Variants in MARCO observed in about 807,000 individuals in gnomAD.
MARCO encodes the protein macrophage receptor MARCO.
Under a neutral mutation model 70.0 loss-of-function variants are expected in MARCO, and 72 were observed. The observed-to-expected ratio is 1.03, with a 90% confidence interval of 0.85 to 1.25. The LOEUF is 1.25. Among genes scored for constraint, MARCO ranks in the 50% most tolerant of loss-of-function variants. MARCO has a pLI of 0.00. For missense variants in MARCO, 696 were observed against 659.3 expected, an observed-to-expected ratio of 1.06 and a Z score of -0.61; for synonymous variants, 273 against 243.1, an observed-to-expected ratio of 1.12 and a Z score of -1.14.
At chr2:118,977,310 G>A (rs570928907) in intron 6 of MARCO, among the ~76,000 whole-genome samples, 161 bp from the exon 7 acceptor site, 10 of 148,252 alleles carry the variant, frequency 6.7e-5, no homozygotes, top group Admixed American at 5.4e-4. Context: ...GTGTGCATGT[G>A]TGTGAAAAAG....
At chr2:118,952,041 C>G (rs1462683665) in intron 1 of MARCO, among the ~76,000 whole-genome samples, 1 of 152,174 alleles carries the variant, frequency 6.6e-6, no homozygotes, top group Non-Finnish European at 1.5e-5. Context: ...TTCTCCTTCC[C>G]CTTCCCCTAG....
chr2:118,975,836 A>T (rs547386937), intron 6 of MARCO, among the ~76,000 whole-genome samples: 65 of 152,310 alleles, frequency 4.3e-4, no homozygotes, highest in African/African-American at 1.5e-3. Context: ...ACATATTTGC[A>T]TTCTTACACT....
At chr2:118,973,540 C>T (rs1680215865) in intron 4 of MARCO, among the ~76,000 whole-genome samples, 1 of 152,218 alleles carries the variant, frequency 6.6e-6, no homozygotes, top group African/African-American at 2.4e-5. Flanking sequence ...CACCCTTTCC[C>T]ACCCAGGGAG....
intron 12 of MARCO, among the ~76,000 whole-genome samples, chr2:118,988,340 T>C (rs1680554975): frequency 1.3e-5 from 2 of 151,914 alleles, no homozygotes; most frequent in Middle Eastern, 3.4e-3. Flanking sequence ...GTTGGAGGGG[T>C]GCATCTCTTT....
Position 118,947,330 on chromosome 2 carries a change from C to T in MARCO, c.97+4933C>T, listed in dbSNP as rs532694588. On this transcript the variant is annotated intron_variant, in intron 1 of 16. Transcript: ENST00000327097. The stretch of plus-strand genomic sequence containing the variant: ...TTTATATGTTAGAGACAAGATCTCA[C>T]TATGTTGCCCAAGTTGGAGTGTGCA... Among the ~76,000 whole-genome samples the T allele has an allele frequency of 2.6e-4, 39 of 152,282 alleles. No homozygotes were observed. The East Asian group carries it at 6.2e-3, about 24-fold the overall frequency.
intron 10 of MARCO, 33 bp downstream of exon 10, chr2:118,981,689 G>A (rs375556444): frequency 2.5e-6 from 4 of 1,604,236 alleles, no homozygotes; most frequent in Non-Finnish European, 3.4e-6. Flanking sequence ...CATCATCCCA[G>A]CTACGACTGT....
At chr2:118,983,810 A>C (rs201345999) in intron 12 of MARCO, among the ~76,000 whole-genome samples, 1 of 150,548 alleles carries the variant, frequency 6.6e-6, no homozygotes, top group Non-Finnish European at 1.5e-5. Context: ...CTCTGCCCCC[A>C]CCCCCACTGC....
chr2:118,988,938 G>A (rs866060793), intron 12 of MARCO, among the ~76,000 whole-genome samples: 7 of 152,140 alleles, frequency 4.6e-5, no homozygotes, highest in East Asian at 1.9e-4. Flanking sequence ...TGATACACAC[G>A]ATTTCATTTC....
chr2:118,986,748 GAGA>G (rs1680524969), intron 12 of MARCO, among the ~76,000 whole-genome samples: 1 of 148,544 alleles, frequency 6.7e-6, no homozygotes, highest in African/African-American at 2.5e-5. Context: ...GAGAAAGAAA[GAGA>G]AAGAAAGAAG....
At chr2:118,965,815 G>A (rs1380796013) in intron 1 of MARCO, among the ~76,000 whole-genome samples, 2 of 152,124 alleles carry the variant, frequency 1.3e-5, no homozygotes, top group Non-Finnish European at 2.9e-5. Flanking sequence ...TTGTTTACCT[G>A]GTGCCATTAG....
At chr2:118,964,288 G>A (rs943585625) in intron 1 of MARCO, among the ~76,000 whole-genome samples, 7 of 152,174 alleles carry the variant, frequency 4.6e-5, no homozygotes, top group Non-Finnish European at 7.3e-5. Flanking sequence ...GGATGCTGTA[G>A]TATATATCCC....
chr2:118,981,795 T>G (rs1573402391), intron 10 of MARCO, 139 bp downstream of exon 10: 1 of 895,388 alleles, frequency 1.1e-6, no homozygotes, highest in Non-Finnish European at 1.8e-6. Context: ...CATCTGGCCC[T>G]GGCCAAGAGG....
At position 118,947,656 on chromosome 2, in the gene MARCO, A is replaced by ATCTCAT. The variant is rs575602267; in HGVS notation, c.97+5263_97+5268dup. Among the ~76,000 whole-genome samples, 97 of 152,306 alleles carry ATCTCAT rather than the reference A, an allele frequency of 6.4e-4. 1 individual carries two copies. Among genetic ancestry groups the ATCTCAT allele is most frequent in the African/African-American group, 2.3e-3 (94 of 41,558 alleles). On this transcript the variant is annotated intron_variant, in intron 1 of 16. Coordinates refer to ENST00000327097, the MANE Select transcript of MARCO (RefSeq NM_006770.4). Reference sequence around the variant, plus strand: ...AAACAACTTGGGTAAATTTGTGTGCATCTCATTCTGCATTCTTTATTCTAT... The same window carrying ATCTCAT: ...AAACAACTTGGGTAAATTTGTGTGCATCTCATTCTCATTCTGCATTCTTTATTCTAT...
chr2:118,986,045 C>G (rs1381903097), intron 12 of MARCO, among the ~76,000 whole-genome samples: 2 of 152,124 alleles, frequency 1.3e-5, no homozygotes, highest in Non-Finnish European at 2.9e-5. Flanking sequence ...TTAGTTAATT[C>G]CATTCCTTAT....
chr2:118,950,637 CT>C (rs540031044), intron 1 of MARCO, among the ~76,000 whole-genome samples: 61 of 152,288 alleles, frequency 4.0e-4, no homozygotes, highest in African/African-American at 1.3e-3. Flanking sequence ...CATAAATTCC[CT>C]TTTATAATTT....
intron 1 of MARCO, among the ~76,000 whole-genome samples, chr2:118,957,904 T>A (rs1419392844): frequency 1.3e-5 from 2 of 152,012 alleles, no homozygotes; most frequent in Non-Finnish European, 2.9e-5. Flanking sequence ...AAAAATCACA[T>A]GATCATTTCA....
intron 12 of MARCO, among the ~76,000 whole-genome samples, chr2:118,986,637 GAAAGAAAGAAA>G (rs1680497074): frequency 2.5e-5 from 1 of 39,762 alleles, no homozygotes; most frequent in Non-Finnish European, 4.2e-5. Flanking sequence ...AAGAAAGAAA[GAAAGAAAGAAA>G]GAAAGAAGGA....
chr2:118,952,354 CCCA>C (rs2104551960), intron 1 of MARCO, among the ~76,000 whole-genome samples: 1 of 152,262 alleles, frequency 6.6e-6, no homozygotes, highest in Admixed American at 6.5e-5. Context: ...TGGCCGCTCC[CCCA>C]AGGGAGAATT....
intron 1 of MARCO, chr2:118,953,099 T>C (rs1679756611): frequency 6.6e-6 from 1 of 152,226 alleles, no homozygotes; most frequent in African/African-American, 2.4e-5. Flanking sequence ...TGATATCCGA[T>C]TTGCTAATAG....
Sources: gnomAD v4.1 joint callset for allele counts (sites outside exome capture counted in the v4.1 genomes callset) on GRCh38, gnomAD v4.1.1 for gene constraint, MANE v1.5 for transcripts, NCBI Gene and HGNC (gene_info 2026-07-23, HGNC 2026-07-21) for gene names.